Variants in IMMP2L observed in about 807,000 individuals in gnomAD.
The protein encoded by IMMP2L is inner mitochondrial membrane peptidase subunit 2, also known as mitochondrial inner membrane protease subunit 2.
A neutral mutation model predicts 19.3 loss-of-function variants in IMMP2L; 18 were observed. That is an observed-to-expected ratio of 0.93 (90% CI 0.64 to 1.38). IMMP2L has a LOEUF of 1.38. IMMP2L is among the 40% of genes most tolerant of loss of function. IMMP2L has a pLI of 0.00. For synonymous variants in IMMP2L, 76 were observed against 73.0 expected (o/e 1.04, Z -0.21); for missense variants, 233 against 218.2 (o/e 1.07, Z -0.43).
intron 3 of IMMP2L, among the ~76,000 whole-genome samples, chr7:111,355,110 A>G (rs568670842): frequency 1.3e-5 from 2 of 152,020 alleles, no homozygotes; most frequent in African/African-American, 4.8e-5. Context: ...TGAATGTCCA[A>G]TTTATAATAC....
At chr7:111,305,315 A>T (rs998523992) in intron 3 of IMMP2L, among the ~76,000 whole-genome samples, 10 of 152,146 alleles carry the variant, frequency 6.6e-5, no homozygotes, top group Admixed American at 4.6e-4. Flanking sequence ...TTACAAAGAA[A>T]TCCATTTCCC....
chr7:110,975,382 GT>G (rs1820587292), intron 3 of IMMP2L, among the ~76,000 whole-genome samples: 1 of 152,078 alleles, frequency 6.6e-6, no homozygotes, highest in African/African-American at 2.4e-5. Flanking sequence ...AATGCAGACT[GT>G]ATCATGGCTG....
intron 5 of IMMP2L, among the ~76,000 whole-genome samples, chr7:110,739,159 T>C (rs1207666247): frequency 6.6e-6 from 1 of 151,766 alleles, no homozygotes. Context: ...CAATGAAAAA[T>C]ATCAAGGTGT....
intron 3 of IMMP2L, among the ~76,000 whole-genome samples, chr7:111,071,557 TAAG>T (rs903145698): frequency 3.9e-5 from 6 of 152,178 alleles, no homozygotes; most frequent in African/African-American, 7.2e-5. Flanking sequence ...TATTCAGCCA[TAAG>T]AAGAAGTACT....
intron 5 of IMMP2L, among the ~76,000 whole-genome samples, chr7:110,669,110 G>T (rs528754257): frequency 0.015 from 2,157 of 147,630 alleles, 35 homozygotes; most frequent in South Asian, 0.046. Flanking sequence ...TATATATATA[G>T]AGAGAGAGAG....
intron 3 of IMMP2L, among the ~76,000 whole-genome samples, chr7:111,351,241 A>T (rs1335294263): frequency 6.6e-6 from 1 of 152,138 alleles, no homozygotes; most frequent in Non-Finnish European, 1.5e-5. Flanking sequence ...CCCAGGCTGG[A>T]GTGCAGTGGC....
At chr7:110,962,164 C>T (rs372789228) in intron 4 of IMMP2L, 2 of 151,906 alleles carry the variant, frequency 1.3e-5, no homozygotes, top group East Asian at 1.9e-4. Context: ...ATTGTTGCTA[C>T]GAATTTCTAC....
chr7:111,316,841 TTTTC>T (rs1824141823), intron 3 of IMMP2L, among the ~76,000 whole-genome samples: 1 of 143,338 alleles, frequency 7.0e-6, no homozygotes, highest in Non-Finnish European at 1.5e-5. Context: ...CTCCTTTTTT[TTTTC>T]TTTTTTTTTT....
intron 3 of IMMP2L, among the ~76,000 whole-genome samples, chr7:111,474,478 A>C (rs1405795310): frequency 1.3e-5 from 2 of 152,034 alleles, no homozygotes; most frequent in Non-Finnish European, 2.9e-5. Context: ...TCATTAGCCA[A>C]TATTCCCCTA....
intron 2 of IMMP2L, among the ~76,000 whole-genome samples, chr7:111,496,879 C>T (rs1291192581): frequency 6.7e-6 from 1 of 150,058 alleles, no homozygotes; most frequent in Non-Finnish European, 1.5e-5. Flanking sequence ...CTAATAAATT[C>T]CCTCTCATAG....
At chr7:111,379,825 AT>A (rs1831027002) in intron 3 of IMMP2L, among the ~76,000 whole-genome samples, 1 of 151,866 alleles carries the variant, frequency 6.6e-6, no homozygotes, top group South Asian at 2.1e-4. Context: ...CGAGTCTGCA[AT>A]TTTTAGACGA....
chr7:110,812,805 G>A (rs77344754), intron 5 of IMMP2L, among the ~76,000 whole-genome samples: 2,608 of 151,788 alleles, frequency 0.017, 27 homozygotes, highest in Middle Eastern at 0.034. Context: ...CACTCATTTC[G>A]TTTTTCATTT....
At chr7:111,415,279 C>G (rs1834856384) in intron 3 of IMMP2L, among the ~76,000 whole-genome samples, 1 of 151,590 alleles carries the variant, frequency 6.6e-6, no homozygotes, top group Admixed American at 6.6e-5. Flanking sequence ...ACACAATCCC[C>G]AAAAACTGGA....
chr7:111,277,378 T>C (rs916332602), intron 3 of IMMP2L, among the ~76,000 whole-genome samples: 11 of 151,754 alleles, frequency 7.2e-5, no homozygotes, highest in African/African-American at 2.2e-4. Context: ...AAATGCAAAT[T>C]AAACCCACAA....
intron 5 of IMMP2L, among the ~76,000 whole-genome samples, chr7:110,851,006 A>G (rs1444846537): frequency 4.6e-5 from 7 of 152,070 alleles, no homozygotes; most frequent in Admixed American, 4.6e-4. Context: ...CAAAAACCTC[A>G]AAGAAACTAG....
chr7:110,968,422 C>T (rs1585501797), intron 3 of IMMP2L, among the ~76,000 whole-genome samples: 1 of 152,172 alleles, frequency 6.6e-6, no homozygotes, highest in East Asian at 1.9e-4. Context: ...CCTGTAATCC[C>T]AGCAGTTTGG....
At chr7:111,047,028 T>C (rs1333759468) in intron 3 of IMMP2L, among the ~76,000 whole-genome samples, 2 of 152,148 alleles carry the variant, frequency 1.3e-5, no homozygotes, top group African/African-American at 4.8e-5. Flanking sequence ...TACTTTCATA[T>C]AGCTCCTCAG....
rs551658715 is a variant in IMMP2L at position 111,275,280 on chromosome 7, C to T, written c.239+211958G>A. On this transcript the variant is annotated intron_variant, in intron 3 of 5. Coordinates refer to ENST00000405709, the MANE Select transcript of IMMP2L (RefSeq NM_032549.4). ...GGCCCAAATGCTTCTCTACAAATAACAGCAAAGCACTCTCACACAAACATT... is the reference window on the plus strand; with the variant it reads ...GGCCCAAATGCTTCTCTACAAATAATAGCAAAGCACTCTCACACAAACATT... 2.6e-5 allele frequency among the ~76,000 whole-genome samples: 4 copies of T among 152,256 alleles called. No individual in the cohort carries two copies. The South Asian group carries it at 8.3e-4, about 32-fold the overall frequency.
intron 5 of IMMP2L, among the ~76,000 whole-genome samples, chr7:110,674,132 T>G (rs1482949615): frequency 3.3e-5 from 5 of 152,128 alleles, no homozygotes; most frequent in Non-Finnish European, 5.9e-5. Flanking sequence ...TCAGGAAACT[T>G]ACAATCATGG....
Sources: gnomAD v4.1 joint callset for allele counts (sites outside exome capture counted in the v4.1 genomes callset) on GRCh38, gnomAD v4.1.1 for gene constraint, MANE v1.5 for transcripts, NCBI Gene and HGNC (gene_info 2026-07-23, HGNC 2026-07-21) for gene names.